Variants in AGBL4 observed in about 807,000 individuals in gnomAD.
AGBL4 encodes the protein AGBL carboxypeptidase 4, also known as cytosolic carboxypeptidase 6.
Under a neutral mutation model 66.4 loss-of-function variants are expected in AGBL4, and 58 were observed. The ratio of observed to expected loss-of-function variants is 0.87; its 90% confidence interval spans 0.71 to 1.09. The LOEUF (loss-of-function observed/expected upper bound fraction) is 1.09, where lower values mean the gene tolerates loss of function less well. AGBL4 is among the 50% of genes least tolerant of loss of function. The pLI is 0.00. For synonymous variants in AGBL4, 234 were observed against 222.9 expected (o/e 1.05, Z -0.44); for missense variants, 579 against 631.0 (o/e 0.92, Z 0.88).
chr1:49,204,756 C>T (rs1160274048), intron 4 of AGBL4, among the ~76,000 whole-genome samples: 3 of 152,094 alleles, frequency 2.0e-5, no homozygotes, highest in Non-Finnish European at 4.4e-5. Flanking sequence ...GTGACAGACT[C>T]AGAATATGAT....
At position 49,494,159 on chromosome 1, in the gene AGBL4, A is replaced by G. The variant is rs572451356; in HGVS notation, c.282+203154T>C. 4.4e-4 allele frequency among the ~76,000 whole-genome samples: 67 copies of G among 152,064 alleles called. 3 individuals carry two copies. The South Asian group carries it at 6.8e-3, about 16-fold the overall frequency. ...CCAGTCTTAACAATTAAATTCACTG[A>G]AGCCCACATTAAACCCCCAGTGGTA... On this transcript the variant is annotated intron_variant, in intron 3 of 13. Coordinates refer to ENST00000371839, the MANE Select transcript of AGBL4 (RefSeq NM_032785.4).
At chr1:48,904,295 A>G (rs1463724739) in intron 5 of AGBL4, among the ~76,000 whole-genome samples, 1 of 152,184 alleles carries the variant, frequency 6.6e-6, no homozygotes, top group Admixed American at 6.5e-5. Flanking sequence ...ATAATACAAT[A>G]AAATGATCTC....
At chr1:48,751,958 A>T (rs1036095780) in intron 6 of AGBL4, among the ~76,000 whole-genome samples, 1 of 152,188 alleles carries the variant, frequency 6.6e-6, no homozygotes, top group African/African-American at 2.4e-5. Flanking sequence ...GCAACAGTTC[A>T]AAAAAAGTCC....
intron 10 of AGBL4, among the ~76,000 whole-genome samples, chr1:48,589,870 T>C (rs1348224538): frequency 1.3e-5 from 2 of 152,076 alleles, no homozygotes; most frequent in Non-Finnish European, 2.9e-5. Flanking sequence ...AGAACTGGGA[T>C]TGGTAAAAGC....
At chr1:48,693,959 T>C (rs778105501) in intron 6 of AGBL4, among the ~76,000 whole-genome samples, 2 of 145,626 alleles carry the variant, frequency 1.4e-5, no homozygotes, top group Non-Finnish European at 3.0e-5. Context: ...TGGGCTATAC[T>C]CAACCAACCC....
intron 6 of AGBL4, among the ~76,000 whole-genome samples, chr1:48,773,713 G>A (rs1644944958): frequency 6.6e-6 from 1 of 152,200 alleles, no homozygotes; most frequent in Non-Finnish European, 1.5e-5. Context: ...TGGGGGCCTG[G>A]CACTGGAAGA....
intron 3 of AGBL4, among the ~76,000 whole-genome samples, chr1:49,662,517 A>T (rs1195514288): frequency 1.3e-5 from 2 of 152,108 alleles, no homozygotes; most frequent in Admixed American, 1.3e-4. Flanking sequence ...GTGGAAAATG[A>T]AATGGTAAGT....
intron 5 of AGBL4, among the ~76,000 whole-genome samples, chr1:48,968,397 A>T (rs1658625809): frequency 6.6e-6 from 1 of 152,162 alleles, no homozygotes; most frequent in Non-Finnish European, 1.5e-5. Context: ...AAAAGGAGCA[A>T]TCTGGTTTCT....
At chr1:49,228,258 T>A (rs552395979) in intron 4 of AGBL4, among the ~76,000 whole-genome samples, 1 of 152,348 alleles carries the variant, frequency 6.6e-6, no homozygotes, top group Admixed American at 6.5e-5. Context: ...TTAGGATACA[T>A]CAATACACAA....
At chr1:49,617,669 G>A (rs896705793) in intron 3 of AGBL4, among the ~76,000 whole-genome samples, 4 of 152,152 alleles carry the variant, frequency 2.6e-5, no homozygotes, top group African/African-American at 9.7e-5. Flanking sequence ...CACATGATGT[G>A]CACTCAGAAA....
Position 49,675,721 on chromosome 1 carries a change from G to A in AGBL4, c.282+21592C>T, listed in dbSNP as rs1011758340. ...GGTTAACTGTAGTATTCTTAATATT[G>A]TATCTGTATCTACTAAGGGAGACAG... On this transcript the variant is annotated intron_variant, in intron 3 of 13. Transcript: ENST00000371839. Among the ~76,000 whole-genome samples the A allele has an allele frequency of 2.0e-5, 3 of 151,994 alleles. No homozygotes were observed. The South Asian group carries it at 6.2e-4, about 31-fold the overall frequency.
intron 11 of AGBL4, among the ~76,000 whole-genome samples, chr1:48,564,579 A>T (rs1644446221): frequency 6.6e-6 from 1 of 152,158 alleles, no homozygotes; most frequent in Non-Finnish European, 1.5e-5. Flanking sequence ...CCTGCCTATC[A>T]ACTTGTTCTT....
At chr1:49,734,600 A>G (rs1203755402) in intron 2 of AGBL4, among the ~76,000 whole-genome samples, 2 of 152,124 alleles carry the variant, frequency 1.3e-5, no homozygotes, top group African/African-American at 4.8e-5. Context: ...AGACTTGTAC[A>G]ATGCAAGCTA....
chr1:49,844,403 T>C lies in AGBL4; in HGVS notation c.157+6993A>G, dbSNP rs372047919. ...TCCTCTGTGCTCCCCTCACAGACTC[T>C]ACCCATATTCCTTGTGCCAACTGTT... On this transcript the variant is annotated intron_variant, in intron 2 of 13. Transcript: ENST00000371839. Among the ~76,000 whole-genome samples the C allele has an allele frequency of 3.4e-4, 52 of 152,324 alleles. 1 individual carries two copies. The South Asian group carries it at 9.5e-3, about 28-fold the overall frequency.
At chr1:48,840,745 C>A (rs1286135432) in intron 6 of AGBL4, among the ~76,000 whole-genome samples, 1 of 152,190 alleles carries the variant, frequency 6.6e-6, no homozygotes, top group Non-Finnish European at 1.5e-5. Context: ...AGCAATCTCA[C>A]TGCTAGGTAT....
In AGBL4 at chr1:49,288,597, C is replaced by T. The variant is rs530007983; in HGVS notation, c.283-42733G>A. Among the ~76,000 whole-genome samples, 4 of 152,200 alleles carry T rather than the reference C, an allele frequency of 2.6e-5. No homozygotes were observed. The South Asian group carries it at 8.3e-4, about 32-fold the overall frequency. On this transcript the variant is annotated intron_variant, in intron 3 of 13. Coordinates refer to ENST00000371839, the MANE Select transcript of AGBL4 (RefSeq NM_032785.4). ...AGCTGCTCATATACATGGTGAAATG[C>T]TAATAAAACAAGTAGAAAGTGGTAC... is the stretch of plus-strand genomic sequence containing the variant.
chr1:49,524,956 G>A (rs890482301), intron 3 of AGBL4, among the ~76,000 whole-genome samples: 5 of 152,048 alleles, frequency 3.3e-5, no homozygotes, highest in African/African-American at 9.7e-5. Flanking sequence ...TTTGGGCTTA[G>A]TGAAATCCGA....
intron 6 of AGBL4, among the ~76,000 whole-genome samples, chr1:48,730,366 A>AG (rs1647903482): frequency 6.6e-6 from 1 of 152,166 alleles, no homozygotes; most frequent in South Asian, 2.1e-4. Flanking sequence ...TGCAACCTCT[A>AG]GGGGGGACTT....
chr1:49,563,787 T>C (rs1305498), intron 3 of AGBL4, among the ~76,000 whole-genome samples: 103,561 of 151,664 alleles, frequency 0.68, 36,071 homozygotes, highest in African/African-American at 0.77. Flanking sequence ...TGTTGTGTCT[T>C]TGCCCGGCTT....
Sources: allele counts gnomAD v4.1 joint callset (sites outside exome capture counted in the v4.1 genomes callset), GRCh38; gene constraint gnomAD v4.1.1; transcripts MANE v1.5; gene names NCBI Gene and HGNC (gene_info 2026-07-23, HGNC 2026-07-21).